BAX: variants seen among roughly 807,000 people sequenced by gnomAD.
BAX encodes apoptosis regulator BAX.
A neutral mutation model predicts 26.8 loss-of-function variants in BAX; 21 were observed. The observed-to-expected ratio is 0.78, with a 90% CI of 0.56 to 1.13. BAX has a LOEUF of 1.13. BAX is among the 50% of genes most tolerant of loss of function. The pLI, the probability that BAX is intolerant of heterozygous loss-of-function variation, is 0.00. For missense variants in BAX, 236 were observed against 254.6 expected (o/e 0.93, Z 0.50); for synonymous variants, 110 against 101.8 (o/e 1.08, Z -0.49).
At position 48,956,212 on chromosome 19, in the gene BAX, T is replaced by C. The variant is rs762222733; in HGVS notation, c.248T>C (p.Val83Ala). The C allele has an allele frequency of 1.3e-6, 2 of 1,547,586 alleles. No individual in the cohort carries two copies. The highest frequency in any genetic ancestry group is 2.4e-5 in the South Asian group (2 of 84,050). Residue 83 changes from valine (V) to alanine (A), a missense_variant, in exon 4 of 6, where the codon GTG becomes GCG. By Grantham distance (64) the Val-to-Ala change is moderately conservative (BLOSUM62 0). Transcript: ENST00000345358. ...CTCTCCTGCAGGATGATTGCCGCCG[T>C]GGACACAGACTCCCCCCGAGAGGTC... ...NMELQRMIAA[V>A]DTDSPREVFF...
chr19:48,960,432 C>T (rs1292523940), intron 4 of BAX: 11 of 323,602 alleles, frequency 3.4e-5, no homozygotes, highest in African/African-American at 1.5e-4. Flanking sequence ...GGCGCAACCT[C>T]GGCTCACTGC....
At chr19:48,956,103 TCA>T in intron 3 of BAX, 93 bp from the exon 4 acceptor site, 1 of 1,402,018 alleles carries the variant, frequency 7.1e-7, no homozygotes, top group South Asian at 1.6e-5. Flanking sequence ...GGCTTGGGGC[TCA>T]GTCTCCTTAT....
Position 48,956,325 on chromosome 19 carries a change from G to T in BAX, c.361G>T (p.Val121Leu). 1 of 1,566,912 alleles carries T rather than the reference G, an allele frequency of 6.4e-7. No individual in the cohort carries two copies. The highest frequency in any genetic ancestry group is 1.4e-5 in the African/African-American group (1 of 72,406). Residue 121 changes from valine to leucine, a missense_variant, in exon 4 of 6, where the codon GTG becomes TTG. Val to Leu is a conservative substitution (Grantham distance 32). Transcript: ENST00000345358. Reference sequence around the variant, plus strand: ...CCTTTTCTACTTTGCCAGCAAACTGGTGCTCAAGGTGGGCAGCTGCAGGGC... The same window carrying T: ...CCTTTTCTACTTTGCCAGCAAACTGTTGCTCAAGGTGGGCAGCTGCAGGGC... ...VALFYFASKLVLKALCTKVPE... is the reference protein window; with the variant it reads ...VALFYFASKLLLKALCTKVPE...
chr19:48,959,819 T>C (rs2038284371), intron 4 of BAX, among the ~76,000 whole-genome samples: 1 of 136,490 alleles, frequency 7.3e-6, no homozygotes, highest in African/African-American at 2.8e-5. Context: ...AGATCAAAAC[T>C]CTATCTCAAA....
intron 1 of BAX, 148 bp downstream of exon 1, chr19:48,955,110 C>G: frequency 1.0e-6 from 1 of 984,832 alleles, no homozygotes; most frequent in Non-Finnish European, 1.3e-6. Context: ...CAGTCCCCTC[C>G]GTCCTCGGAG....
intron 4 of BAX, among the ~76,000 whole-genome samples, chr19:48,957,208 T>C (rs2038169816): frequency 6.8e-6 from 1 of 148,068 alleles, no homozygotes; most frequent in East Asian, 2.1e-4. Context: ...GAAGGCACAG[T>C]TGGGCAGGGG....
intron 1 of BAX, 130 bp from the exon 2 acceptor site, chr19:48,955,418 T>G: frequency 9.4e-7 from 1 of 1,064,136 alleles, no homozygotes; most frequent in Non-Finnish European, 1.3e-6. Context: ...CCCCGTCACT[T>G]TATCTGCTAG....
At chr19:48,958,345 ATTTTTTT>A (rs34043541) in intron 4 of BAX, among the ~76,000 whole-genome samples, 7 of 64,476 alleles carry the variant, frequency 1.1e-4, no homozygotes, top group East Asian at 6.6e-4. Context: ...TTTTTGGAAG[ATTTTTTT>A]TTTTTTTTTT....
intron 5 of BAX, 81 bp from the exon 6 acceptor site, chr19:48,961,451 C>A: frequency 7.4e-7 from 1 of 1,348,442 alleles, no homozygotes; most frequent in Non-Finnish European, 1.0e-6. Flanking sequence ...TTCTGGCCTC[C>A]TCCGTCCCTG....
chr19:48,959,730 G>A (rs989510621), intron 4 of BAX, among the ~76,000 whole-genome samples: 39 of 151,070 alleles, frequency 2.6e-4, no homozygotes, highest in African/African-American at 9.0e-4. Flanking sequence ...GGAGGCTCAG[G>A]CAGGAGGATC....
chr19:48,955,662 C>G (rs768967389), intron 2 of BAX, 25 bp from the exon 3 acceptor site: 3 of 1,611,628 alleles, frequency 1.9e-6, no homozygotes, highest in Middle Eastern at 1.7e-4. Context: ...TCTGATTCTG[C>G]ACCCTCACTC....
intron 1 of BAX, chr19:48,955,314 A>T (rs1162709840): frequency 6.3e-6 from 3 of 473,256 alleles, no homozygotes; most frequent in African/African-American, 4.0e-5. Context: ...CTGGATGCAT[A>T]TAGCGTTCCC....
chr19:48,958,674 G>T lies in BAX; in HGVS notation c.370-2136G>T, dbSNP rs149595309. On this transcript the variant is annotated intron_variant, in intron 4 of 5. Coordinates refer to ENST00000345358, the MANE Select transcript of BAX (RefSeq NM_138761.4). The stretch of plus-strand genomic sequence containing the variant: ...TTCTCTTGCCTCAGTCTCCCGAGTA[G>T]CTTGGGATTACAGGCGTCCGCCACC... 5.0e-3 allele frequency among the ~76,000 whole-genome samples: 762 copies of T among 151,882 alleles called. 7 individuals are homozygous for T. Among genetic ancestry groups the T allele is most frequent in the African/African-American group, 0.018 (735 of 41,434 alleles).
At chr19:48,957,689 C>A (rs79221776) in intron 4 of BAX, among the ~76,000 whole-genome samples, 1 of 152,114 alleles carries the variant, frequency 6.6e-6, no homozygotes, top group African/African-American at 2.4e-5. Context: ...AGTATAGATG[C>A]CCCTTGACTT....
intron 1 of BAX, 162 bp downstream of exon 1, chr19:48,955,124 C>A: frequency 1.2e-6 from 1 of 854,372 alleles, no homozygotes; most frequent in Non-Finnish European, 1.6e-6. Flanking sequence ...CTCGGAGGTT[C>A]CTGGCTCTCT....
At chr19:48,955,946 T>C in intron 3 of BAX, 113 bp downstream of exon 3, 1 of 1,349,218 alleles carries the variant, frequency 7.4e-7, no homozygotes, top group South Asian at 1.5e-5. Flanking sequence ...GCCCCACAAC[T>C]CAGCGCAAAC....
Position 48,956,290 on chromosome 19 carries a change from G to A in BAX, c.326G>A (p.Arg109Gln), listed in dbSNP as rs2038130301. 5 of 1,589,902 alleles carry A rather than the reference G, an allele frequency of 3.1e-6. No individual in the cohort carries two copies. Among genetic ancestry groups the A allele is most frequent in the Admixed American group, 1.8e-5 (1 of 55,882 alleles). ...TCTGACGGCAACTTCAACTGGGGCC[G>A]GGTTGTCGCCCTTTTCTACTTTGCC... is the stretch of plus-strand genomic sequence containing the variant. ...MFSDGNFNWG[R>Q]VVALFYFASK... The change falls in exon 4 of 6, where the codon CGG (arginine) becomes CAG (glutamine). Residue 109 changes from arginine (R) to glutamine (Q), a missense_variant. Physicochemically the swap from Arg to Gln is conservative, Grantham distance 43. Coordinates refer to ENST00000345358, the MANE Select transcript of BAX (RefSeq NM_138761.4).
chr19:48,956,925 G>T (rs1205071825), intron 4 of BAX, among the ~76,000 whole-genome samples: 2 of 147,252 alleles, frequency 1.4e-5, no homozygotes, highest in Admixed American at 6.9e-5. Flanking sequence ...ACCTGCCTTG[G>T]CCTCCCAAAG....
At chr19:48,957,260 CTTTTCTTTTTTTTT>C (rs2038173083) in intron 4 of BAX, among the ~76,000 whole-genome samples, 1 of 44,702 alleles carries the variant, frequency 2.2e-5, no homozygotes, top group East Asian at 9.1e-4. Context: ...AAGACTTTTT[CTTTTCTTTTTTTTT>C]TTTTTTTTTT....
Sources: gnomAD v4.1 joint callset for allele counts (sites outside exome capture counted in the v4.1 genomes callset) on GRCh38, gnomAD v4.1.1 for gene constraint, MANE v1.5 for transcripts, NCBI Gene and HGNC (gene_info 2026-07-23, HGNC 2026-07-21) for gene names.